SLC3A2: variants seen among roughly 807,000 people sequenced by gnomAD.
SLC3A2 encodes solute carrier family 3 member 2.
SLC3A2 carries 32 observed loss-of-function variants against 48.5 expected under a neutral mutation model. The observed-to-expected ratio is 0.66, with a 90% CI of 0.50 to 0.89. The LOEUF is 0.89. Among genes scored for constraint, SLC3A2 ranks in the 40% least tolerant of loss-of-function variants. SLC3A2 has a pLI of 0.00. For synonymous variants in SLC3A2, 277 were observed against 288.8 expected, an observed-to-expected ratio of 0.96 and a Z score of 0.41; for missense variants, 587 against 680.7, an observed-to-expected ratio of 0.86 and a Z score of 1.53.
Position 62,881,806 on chromosome 11 carries a change from C to T in SLC3A2, c.425-87C>T. 1 of 1,498,460 alleles carries T rather than the reference C, an allele frequency of 6.7e-7. No individual in the cohort carries two copies. The highest frequency in any genetic ancestry group is 9.1e-7 in the Non-Finnish European group (1 of 1,101,318). 92.8% of individuals were successfully genotyped at this position (1,498,460 alleles called of 1,614,324 possible). ...TCTCCCCCTTTGCCCCCTCCCCGTC[C>T]CACCCTTAGGCGCTGGGAGAAGGGA... On this transcript the variant is annotated intron_variant, in intron 1 of 8. Coordinates refer to ENST00000338663, the MANE Select transcript of SLC3A2 (RefSeq NM_001013251.3). The surrounding 1 kb of genome is among the most constrained non-coding windows in gnomAD (Gnocchi z 4.0).
At chr11:62,859,184 C>G (rs925935436) in intron 1 of SLC3A2, among the ~76,000 whole-genome samples, 1 of 152,046 alleles carries the variant, frequency 6.6e-6, no homozygotes, top group Non-Finnish European at 1.5e-5. Context: ...GTCCCTGCGG[C>G]CTTCCGCAGT....
intron 1 of SLC3A2, among the ~76,000 whole-genome samples, chr11:62,875,362 T>C (rs1481034484): frequency 6.6e-6 from 1 of 152,058 alleles, no homozygotes; most frequent in Non-Finnish European, 1.5e-5. Context: ...CTGGCTAACA[T>C]GGTGAAACCC....
At chr11:62,859,002 C>T (rs1258044519) in intron 1 of SLC3A2, among the ~76,000 whole-genome samples, 1 of 152,166 alleles carries the variant, frequency 6.6e-6, no homozygotes, top group Non-Finnish European at 1.5e-5. Flanking sequence ...ATGCCTTCCT[C>T]TTGTCTCAAC....
intron 1 of SLC3A2, among the ~76,000 whole-genome samples, chr11:62,873,928 CA>C (rs2134994980): frequency 6.8e-6 from 1 of 146,488 alleles, no homozygotes; most frequent in East Asian, 1.9e-4. Flanking sequence ...CTCAGCTTCC[CA>C]AGTAGCTGGG....
intron 1 of SLC3A2, among the ~76,000 whole-genome samples, chr11:62,861,888 CCAA>C (rs1364034880): frequency 1.4e-5 from 2 of 141,334 alleles, no homozygotes; most frequent in African/African-American, 5.3e-5. Context: ...TCCAGCCTGG[CCAA>C]CAAGAGCAAA....
chr11:62,882,837 C>T, intron 2 of SLC3A2, 71 bp from the exon 3 acceptor site: 1 of 1,267,560 alleles, frequency 7.9e-7, no homozygotes, highest in Non-Finnish European at 1.2e-6. Context: ...CAGTGACTTG[C>T]ATTTGTGATT....
chr11:62,867,322 C>CTTTTTTTTTTTT (rs56758000), intron 1 of SLC3A2, among the ~76,000 whole-genome samples: 41 of 67,646 alleles, frequency 6.1e-4, no homozygotes, highest in African/African-American at 7.7e-4. Flanking sequence ...CTTTTCTTTT[C>CTTTTTTTTTTTT]TTTTTTTTTT....
At chr11:62,879,752 G>C (rs1787833972), upstream of SLC3A2, among the ~76,000 whole-genome samples, 1 of 152,250 alleles carries the variant, frequency 6.6e-6, no homozygotes, top group Non-Finnish European at 1.5e-5. Context: ...TCTGAAAGTA[G>C]CCCAACTGGC....
intron 1 of SLC3A2, among the ~76,000 whole-genome samples, chr11:62,872,413 G>T (rs912718936): frequency 1.3e-5 from 2 of 152,156 alleles, no homozygotes. Flanking sequence ...TGTTCAGGAG[G>T]CTGAGGTGGG....
chr11:62,867,113 C>A (rs1268275514), intron 1 of SLC3A2, among the ~76,000 whole-genome samples: 5 of 151,968 alleles, frequency 3.3e-5, no homozygotes, highest in Non-Finnish European at 5.9e-5. Flanking sequence ...GCCTCAGCCT[C>A]CTGAGTAGCT....
At chr11:62,859,991 G>C (rs938256019) in intron 1 of SLC3A2, among the ~76,000 whole-genome samples, 1 of 152,170 alleles carries the variant, frequency 6.6e-6, no homozygotes, top group Non-Finnish European at 1.5e-5. Flanking sequence ...ACCAGCACTG[G>C]TCTCTGAGTT....
At chr11:62,880,681 C>A, upstream of SLC3A2, 1 of 244,830 alleles carries the variant, frequency 4.1e-6, no homozygotes, top group South Asian at 6.7e-5. Flanking sequence ...TGGCTCCGTG[C>A]CAGGCCTTCC....
chr11:62,885,622 T>A lies in SLC3A2; in HGVS notation c.1143+14T>A, dbSNP rs372723211. ...CTTCCTGGACAGGTACTGCTTGCTG[T>A]CTTTCTGTCACAGGGAGGTTGTTTA... is the stretch of plus-strand genomic sequence containing the variant. On this transcript the variant is annotated intron_variant, in intron 7 of 8. Transcript: ENST00000338663. 1.2e-6 allele frequency: 2 copies of A among 1,613,652 alleles called. No individual in the cohort carries two copies. The highest frequency in any genetic ancestry group is 1.7e-6 in the Non-Finnish European group (2 of 1,179,788).
chr11:62,884,269 G>T, intron 3 of SLC3A2, 188 bp from the exon 4 acceptor site: 1 of 623,018 alleles, frequency 1.6e-6, no homozygotes. Context: ...AAAATGAGTG[G>T]AAGGGTAGAG....
In SLC3A2 at chr11:62,858,979, G is replaced by A. The variant is rs1358141896; in HGVS notation, c.112+2598G>A. Among the ~76,000 whole-genome samples, 33 of 152,014 alleles carry A rather than the reference G, an allele frequency of 2.2e-4. 1 individual carries two copies. The highest frequency in any genetic ancestry group is 1.9e-4 in the East Asian group (1 of 5,172). ...CCGAGACATTCCATTGCCCAGGGAC[G>A]GGCAGGAGACAGATGCCTTCCTCTT... is the stretch of plus-strand genomic sequence containing the variant. On this transcript the variant is annotated intron_variant, in intron 1 of 9. Transcript: ENST00000377889.
chr11:62,857,897 G>A (rs1056308844), intron 1 of SLC3A2, among the ~76,000 whole-genome samples: 9 of 151,896 alleles, frequency 5.9e-5, no homozygotes, highest in African/African-American at 2.2e-4. Flanking sequence ...CACAAGCTTG[G>A]TGCTAGAAAA....
chr11:62,873,842 G>A (rs528762957), intron 1 of SLC3A2, among the ~76,000 whole-genome samples: 14 of 151,738 alleles, frequency 9.2e-5, no homozygotes, highest in African/African-American at 3.1e-4. Flanking sequence ...TAGCTCTGTT[G>A]CCCAGGCTAG....
At chr11:62,877,018 C>A, upstream of SLC3A2, 8 of 822,730 alleles carry the variant, frequency 9.7e-6, no homozygotes, top group Non-Finnish European at 1.2e-5. Context: ...CCTTTGTCTT[C>A]ACATGCTAGT....
intron 3 of SLC3A2, chr11:62,883,964 GT>G (rs1335250843): frequency 4.4e-6 from 2 of 456,362 alleles, no homozygotes; most frequent in Non-Finnish European, 8.8e-6. Flanking sequence ...GCTCTGAGCA[GT>G]TATTGTACTC....
Sources: gnomAD v4.1 joint callset for allele counts (sites outside exome capture counted in the v4.1 genomes callset) on GRCh38, gnomAD v4.1.1 for gene constraint, Gnocchi (gnomAD v3.1) non-coding constraint, MANE v1.5 for transcripts, NCBI Gene and HGNC (gene_info 2026-07-23, HGNC 2026-07-21) for gene names.